The following SPIRE1 variants were observed in gnomAD, a reference collection of about 807,000 sequenced individuals.
SPIRE1 encodes spire type actin nucleation factor 1.
Under a neutral mutation model 94.1 loss-of-function variants are expected in SPIRE1, and 40 were observed. The observed-to-expected ratio is 0.43, with a 90% CI of 0.33 to 0.55. The LOEUF is 0.55. Ranked by LOEUF, SPIRE1 falls within the 20% of genes least tolerant of loss-of-function variation. The pLI, the probability that SPIRE1 is intolerant of heterozygous loss-of-function variation, is 0.06. For synonymous variants in SPIRE1, 376 were observed against 371.7 expected (o/e 1.01, Z -0.13); for missense variants, 838 against 975.2 (o/e 0.86, Z 1.87).
chr18:12,587,381 C>T (rs2036415150), intron 2 of SPIRE1, among the ~76,000 whole-genome samples: 1 of 151,036 alleles, frequency 6.6e-6, no homozygotes, highest in African/African-American at 2.4e-5. Flanking sequence ...TAAGACAATG[C>T]CAGAGTGATT....
intron 5 of SPIRE1, among the ~76,000 whole-genome samples, chr18:12,511,677 A>C (rs1008382528): frequency 1.3e-5 from 2 of 152,350 alleles, no homozygotes; most frequent in Non-Finnish European, 1.5e-5. Flanking sequence ...AAGACTAAGC[A>C]TTCAAATTTA....
At chr18:12,493,658 C>T (rs1485364519) in intron 7 of SPIRE1, among the ~76,000 whole-genome samples, 5 of 152,174 alleles carry the variant, frequency 3.3e-5, no homozygotes, top group African/African-American at 1.2e-4. Flanking sequence ...CCACCCTCCT[C>T]AGTCTCCCAA....
Position 12,452,387 on chromosome 18 carries a change from C to A in SPIRE1, c.1880G>T (p.Arg627Leu). Residue 627 changes from arginine to leucine, a missense_variant, in exon 16 of 17, where the codon CGG becomes CTG. Around this residue, in one of 2 missense-constraint regions of SPIRE1, gnomAD observed 645 missense variants for 804.7 expected, o/e 0.80. Coordinates refer to ENST00000409402, the MANE Select transcript of SPIRE1 (RefSeq NM_001128626.2). ...PVCSQCCKKM[R>L]LPSKPYSTLP... is the part of the protein sequence containing the mutation. Reference sequence around the variant, plus strand: ...AGTGGAGTATGGTTTGGAGGGCAGCCGCATCTATTATCCCAAATAAAACTG... The same window carrying A: ...AGTGGAGTATGGTTTGGAGGGCAGCAGCATCTATTATCCCAAATAAAACTG... 1 of 1,614,094 alleles carries A rather than the reference C, an allele frequency of 6.2e-7. No individual in the cohort carries two copies. The highest frequency in any genetic ancestry group is 8.5e-7 in the Non-Finnish European group (1 of 1,180,028).
At position 12,447,663 on chromosome 18, in the gene SPIRE1, C is replaced by T. The variant is rs1367860737; in HGVS notation, c.*1975G>A. 6.6e-6 allele frequency: 1 copy of T among 152,140 alleles called. No individual in the cohort carries two copies. Among genetic ancestry groups the T allele is most frequent in the East Asian group, 1.9e-4 (1 of 5,200 alleles). The allele number at this position is 152,140 out of a possible 1,614,324, so 9.4% of individuals were successfully genotyped here. Reference sequence around the variant, plus strand: ...TAAGAGGTGATCGTAATGCCCAAATCATCCAATACACTATCATAAAGTGAA... The same window carrying T: ...TAAGAGGTGATCGTAATGCCCAAATTATCCAATACACTATCATAAAGTGAA... On this transcript the variant is annotated 3_prime_UTR_variant, in exon 17 of 17. Coordinates refer to ENST00000409402, the MANE Select transcript of SPIRE1 (RefSeq NM_001128626.2).
At chr18:12,546,204 C>T (rs1435440327) in intron 3 of SPIRE1, among the ~76,000 whole-genome samples, 1 of 152,064 alleles carries the variant, frequency 6.6e-6, no homozygotes, top group South Asian at 2.1e-4. Flanking sequence ...TTAGCCAGGA[C>T]GTTCTTGATC....
intron 1 of SPIRE1, among the ~76,000 whole-genome samples, chr18:12,639,787 T>C (rs1056805505): frequency 4.0e-5 from 6 of 150,828 alleles, no homozygotes; most frequent in Non-Finnish European, 8.8e-5. Flanking sequence ...GGTGGGAGAA[T>C]GGCTTAAGCC....
chr18:12,594,743 C>T (rs1306505568), intron 2 of SPIRE1, among the ~76,000 whole-genome samples: 1 of 152,140 alleles, frequency 6.6e-6, no homozygotes, highest in South Asian at 2.1e-4. Context: ...CACTTATACA[C>T]GTATTTTGTT....
chr18:12,550,694 T>C (rs1427665633), intron 2 of SPIRE1, among the ~76,000 whole-genome samples: 1 of 152,186 alleles, frequency 6.6e-6, no homozygotes, highest in Non-Finnish European at 1.5e-5. Context: ...TTCCATTCAC[T>C]GTTTAATTCA....
At chr18:12,661,483 G>C (rs1391394143), upstream of SPIRE1, 2 of 404,598 alleles carry the variant, frequency 4.9e-6, no homozygotes, top group African/African-American at 4.4e-5. Flanking sequence ...CAAATTCAAA[G>C]ATTTGAGGCC....
intron 12 of SPIRE1, 145 bp downstream of exon 12, chr18:12,463,206 G>T: frequency 1.2e-6 from 1 of 831,262 alleles, no homozygotes; most frequent in Non-Finnish European, 1.8e-6. Context: ...CTGGCTGTTT[G>T]TTTTCTTTAG....
At chr18:12,575,520 T>C (rs1424772369) in intron 2 of SPIRE1, among the ~76,000 whole-genome samples, 2 of 152,160 alleles carry the variant, frequency 1.3e-5, no homozygotes, top group African/African-American at 4.8e-5. Flanking sequence ...CTAATTTTTG[T>C]ATTTTTTTGT....
intron 9 of SPIRE1, among the ~76,000 whole-genome samples, chr18:12,482,481 T>C (rs573272111): frequency 6.6e-6 from 1 of 152,252 alleles, no homozygotes; most frequent in East Asian, 1.9e-4. Flanking sequence ...AATAAATAAA[T>C]AAATACTTTT....
At chr18:12,638,161 T>C (rs984791338) in intron 1 of SPIRE1, among the ~76,000 whole-genome samples, 1 of 152,172 alleles carries the variant, frequency 6.6e-6, no homozygotes, top group East Asian at 1.9e-4. Context: ...CATGAGTAAT[T>C]TGGCTGGGTG....
chr18:12,505,561 A>C (rs77800152), intron 6 of SPIRE1, among the ~76,000 whole-genome samples: 2 of 151,648 alleles, frequency 1.3e-5, no homozygotes, highest in African/African-American at 4.8e-5. Flanking sequence ...TCAAAAAAAA[A>C]AAAAAACAAA....
rs1028209025 is a variant in SPIRE1, at chr18:12,556,924, T to A, written c.373-10020A>T. 4.6e-5 allele frequency among the ~76,000 whole-genome samples: 7 copies of A among 152,254 alleles called. No individual in the cohort carries two copies. The East Asian group carries it at 1.4e-3, about 29-fold the overall frequency. On this transcript the variant is annotated intron_variant, in intron 2 of 16. Coordinates refer to ENST00000409402, the MANE Select transcript of SPIRE1 (RefSeq NM_001128626.2). ...ATTCCCTTATCCGACCCCACCCATATCCTGCTCATTGGTCCATTTCACGGA... is the reference window on the plus strand; with the variant it reads ...ATTCCCTTATCCGACCCCACCCATAACCTGCTCATTGGTCCATTTCACGGA...
intron 6 of SPIRE1, among the ~76,000 whole-genome samples, chr18:12,497,099 C>A (rs193286381): frequency 1.3e-5 from 2 of 151,516 alleles, no homozygotes; most frequent in Non-Finnish European, 2.9e-5. Flanking sequence ...CAAACAACAA[C>A]AAAAAAACCC....
chr18:12,473,043 C>A (rs1371788892), intron 10 of SPIRE1, among the ~76,000 whole-genome samples: 1 of 152,210 alleles, frequency 6.6e-6, no homozygotes, highest in Non-Finnish European at 1.5e-5. Context: ...GATCCACTCA[C>A]CTTGGCCTCC....
chr18:12,635,793 A>G (rs2037906847), intron 1 of SPIRE1, among the ~76,000 whole-genome samples: 1 of 152,258 alleles, frequency 6.6e-6, no homozygotes, highest in East Asian at 1.9e-4. Flanking sequence ...CAGCTATTTT[A>G]AAGAATCACT....
intron 10 of SPIRE1, among the ~76,000 whole-genome samples, chr18:12,476,973 T>A (rs1174952273): frequency 6.6e-6 from 1 of 152,164 alleles, no homozygotes; most frequent in Non-Finnish European, 1.5e-5. Context: ...ACATTTCTCT[T>A]TTCGGCAATT....
Sources: allele counts gnomAD v4.1 joint callset (sites outside exome capture counted in the v4.1 genomes callset), GRCh38; gene constraint gnomAD v4.1.1; regional missense constraint gnomAD v4.1.1; transcripts MANE v1.5; gene names NCBI Gene and HGNC (gene_info 2026-07-23, HGNC 2026-07-21).